Variants in LPAR1 observed in about 807,000 individuals in gnomAD.
LPAR1 encodes lysophosphatidic acid receptor 1.
LPAR1 carries 5 observed loss-of-function variants against 23.8 expected under a neutral mutation model. The ratio of observed to expected loss-of-function variants is 0.21; its 90% CI spans 0.11 to 0.44. The LOEUF is 0.44. LPAR1 is among the 20% of genes least tolerant of loss of function. The probability of loss-of-function intolerance (pLI) is 0.99; values close to 1 mark genes in which losing one functional copy is unlikely to be tolerated. For synonymous variants in LPAR1, 160 were observed against 164.7 expected (o/e 0.97, Z 0.22); for missense variants, 311 against 482.8 (o/e 0.64, Z 3.33).
At chr9:110,892,058 G>T (rs918490666) in intron 5 of LPAR1, among the ~76,000 whole-genome samples, 2 of 152,178 alleles carry the variant, frequency 1.3e-5, no homozygotes, top group Non-Finnish European at 2.9e-5. Flanking sequence ...AGAAAGGAAA[G>T]AATATGTCCA....
chr9:110,981,186 T>G (rs947712066), intron 2 of LPAR1, among the ~76,000 whole-genome samples: 1 of 152,120 alleles, frequency 6.6e-6, no homozygotes, highest in African/African-American at 2.4e-5. Flanking sequence ...ACAGTTTGGT[T>G]GGTTGAGTCA....
intron 5 of LPAR1, among the ~76,000 whole-genome samples, chr9:110,919,504 C>T (rs1383936992): frequency 6.6e-6 from 1 of 152,148 alleles, no homozygotes; most frequent in Non-Finnish European, 1.5e-5. Context: ...TTTTAAACCA[C>T]TAAGTCTGTG....
At chr9:110,902,394 A>G (rs2089541815) in intron 5 of LPAR1, among the ~76,000 whole-genome samples, 1 of 152,112 alleles carries the variant, frequency 6.6e-6, no homozygotes, top group Non-Finnish European at 1.5e-5. Flanking sequence ...TTCTTGTGAT[A>G]GTAAGTTATC....
intron 2 of LPAR1, among the ~76,000 whole-genome samples, chr9:110,989,326 G>A (rs1413723058): frequency 6.6e-6 from 1 of 152,118 alleles, no homozygotes; most frequent in East Asian, 1.9e-4. Context: ...TGGGAATACA[G>A]GCACATGCCA....
intron 2 of LPAR1, among the ~76,000 whole-genome samples, chr9:111,027,151 T>C (rs2097706716): frequency 6.6e-6 from 1 of 152,162 alleles, no homozygotes; most frequent in African/African-American, 2.4e-5. Flanking sequence ...TGAATCTGTC[T>C]GGTCCTGGGC....
chr9:110,939,649 C>T (rs2094955329), intron 5 of LPAR1, among the ~76,000 whole-genome samples: 2 of 152,030 alleles, frequency 1.3e-5, no homozygotes, highest in Admixed American at 1.3e-4. Flanking sequence ...ACCTGAAAAA[C>T]AACCCAAAGA....
chr9:110,989,753 A>G (rs1375251385), intron 2 of LPAR1, among the ~76,000 whole-genome samples: 1 of 152,198 alleles, frequency 6.6e-6, no homozygotes, highest in African/African-American at 2.4e-5. Flanking sequence ...ACATATATAT[A>G]CACTCATTAA....
intron 5 of LPAR1, among the ~76,000 whole-genome samples, chr9:110,917,838 C>T (rs898781578): frequency 2.6e-5 from 4 of 152,040 alleles, no homozygotes; most frequent in African/African-American, 9.7e-5. Context: ...TTCCCTTTCC[C>T]TCCTTTTTCT....
rs917309393 is a variant in LPAR1, at chr9:111,038,456, C to A, written c.-551G>T. On this transcript the variant is annotated 5_prime_UTR_variant, in exon 1 of 6. Coordinates refer to ENST00000683809, the MANE Select transcript of LPAR1 (RefSeq NM_001351411.2). This position sits in a 1 kb window ranked among gnomAD's most constrained non-coding sequence, Gnocchi z 4.4. ...TCGCCACTCAGGGAGCGTCAGCCGC[C>A]AGTCGGCCCCTACTGCCCGGCTTTG... is the stretch of plus-strand genomic sequence containing the variant. 5.4e-4 allele frequency: 179 copies of A among 334,006 alleles called. No individual in the cohort carries two copies. The highest frequency in any genetic ancestry group is 3.8e-3 in the African/African-American group (166 of 43,508). The allele number at this position is 334,006 out of a possible 1,614,324, so 20.7% of individuals were successfully genotyped here. A position where few individuals can be genotyped will look rare whatever the true frequency, so the allele number is the denominator to read the frequency against.
At chr9:111,005,575 AAAG>A (rs1554729754) in intron 2 of LPAR1, among the ~76,000 whole-genome samples, 6 of 131,542 alleles carry the variant, frequency 4.6e-5, no homozygotes, top group East Asian at 2.1e-4. Context: ...AAAAAAAAAA[AAAG>A]AAGAATTGGG....
chr9:111,029,709 T>C (rs556859847), intron 2 of LPAR1, among the ~76,000 whole-genome samples: 48 of 152,238 alleles, frequency 3.2e-4, no homozygotes, highest in African/African-American at 7.7e-4. Flanking sequence ...TCCATGTTCA[T>C]GAGCTACTCA....
intron 5 of LPAR1, among the ~76,000 whole-genome samples, chr9:110,881,556 G>A (rs965440216): frequency 1.3e-5 from 2 of 152,036 alleles, no homozygotes; most frequent in African/African-American, 4.8e-5. Flanking sequence ...CCCTACAACA[G>A]ACTCTAACTC....
At chr9:110,878,473 C>T (rs1042666599) in intron 5 of LPAR1, among the ~76,000 whole-genome samples, 41 of 152,162 alleles carry the variant, frequency 2.7e-4, no homozygotes, top group African/African-American at 9.7e-4. Flanking sequence ...TAATAAACCA[C>T]ACCTAAACCC....
chr9:110,979,201 A>G (rs1261625741), intron 2 of LPAR1, among the ~76,000 whole-genome samples: 1 of 152,116 alleles, frequency 6.6e-6, no homozygotes, highest in Non-Finnish European at 1.5e-5. Context: ...TGTGCATGAT[A>G]AATACTTATA....
chr9:110,998,238 A>G (rs556343632), intron 2 of LPAR1, among the ~76,000 whole-genome samples: 1 of 152,368 alleles, frequency 6.6e-6, no homozygotes, highest in Admixed American at 6.5e-5. Context: ...ATTCAAGACT[A>G]AAGTCTCTGA....
intron 5 of LPAR1, chr9:110,903,456 A>C (rs1022608621): frequency 1.3e-5 from 2 of 152,194 alleles, no homozygotes; most frequent in African/African-American, 2.4e-5. Context: ...TGAGAAATTA[A>C]AAAAAGAACC....
At chr9:110,973,247 T>C (rs888133042) in intron 3 of LPAR1, among the ~76,000 whole-genome samples, 3 of 152,174 alleles carry the variant, frequency 2.0e-5, no homozygotes, top group Admixed American at 6.5e-5. Flanking sequence ...ACTACCATAA[T>C]ACCGTCAAGT....
intron 5 of LPAR1, among the ~76,000 whole-genome samples, chr9:110,877,711 C>G (rs2079489828): frequency 6.6e-6 from 1 of 152,308 alleles, no homozygotes; most frequent in Middle Eastern, 3.4e-3. Context: ...AGTTTCCTTT[C>G]CCCTTCCTTT....
chr9:110,997,104 G>A (rs959315615), intron 2 of LPAR1, among the ~76,000 whole-genome samples: 2 of 152,184 alleles, frequency 1.3e-5, no homozygotes, highest in Non-Finnish European at 2.9e-5. Context: ...CTCTTTCACA[G>A]TGAGGCTACC....
Sources: allele counts gnomAD v4.1 joint callset (sites outside exome capture counted in the v4.1 genomes callset), GRCh38; gene constraint gnomAD v4.1.1; non-coding constraint Gnocchi (gnomAD v3.1); transcripts MANE v1.5; gene names NCBI Gene and HGNC (gene_info 2026-07-23, HGNC 2026-07-21).